The following SIGIRR variants were observed in gnomAD, a reference collection of about 807,000 sequenced individuals.
The protein encoded by SIGIRR is single Ig IL-1-related receptor.
A neutral mutation model predicts 45.6 loss-of-function variants in SIGIRR; 41 were observed. The observed-to-expected ratio is 0.90, with a 90% CI of 0.70 to 1.17. SIGIRR has a LOEUF of 1.17. SIGIRR is among the 50% of genes most tolerant of loss of function. The pLI is 0.00. For missense variants in SIGIRR, 599 were observed against 539.6 expected, an observed-to-expected ratio of 1.11 and a Z score of -1.09; for synonymous variants, 298 against 239.0, an observed-to-expected ratio of 1.25 and a Z score of -2.28.
At chr11:407,707 C>T (rs1012242927) in intron 5 of SIGIRR, 110 bp downstream of exon 5, 1 of 1,567,104 alleles carries the variant, frequency 6.4e-7, no homozygotes, top group Non-Finnish European at 8.7e-7. Context: ...CCGCACAGAG[C>T]ACCCGGGGGC....
intron 2 of SIGIRR, 146 bp from the exon 3 acceptor site, chr11:409,039 CT>C: frequency 1.4e-6 from 1 of 725,786 alleles, no homozygotes. Flanking sequence ...TGGGGACAGG[CT>C]TAGCACTTGG....
At position 406,852 on chromosome 11, in the gene SIGIRR, G is replaced by A; in HGVS notation, c.870C>T (p.Pro290=). 2.6e-6 allele frequency: 4 copies of A among 1,562,088 alleles called. No homozygotes were observed. The highest frequency in any genetic ancestry group is 3.4e-6 in the Non-Finnish European group (4 of 1,160,280). Residue 290 remains proline (P), a synonymous_variant, in exon 8 of 10, where the codon CCC becomes CCT. Transcript: ENST00000431843. Reference sequence around the variant, plus strand: ...CGCGCCTGCTCCGCACCACGGAGCCGGGCCTCCAGAGCAGCAAGGTCACCA... The same window carrying A: ...CGCGCCTGCTCCGCACCACGGAGCCAGGCCTCCAGAGCAGCAAGGTCACCA... The part of the protein sequence containing the change: ...RHLVTLLLWR[P]GSVTPSSDFW...
intron 2 of SIGIRR, 114 bp downstream of exon 2, chr11:409,754 C>A: frequency 8.3e-7 from 1 of 1,200,406 alleles, no homozygotes; most frequent in Non-Finnish European, 1.1e-6. Flanking sequence ...GTACCCCCGG[C>A]ATGTGGCCAG....
chr11:408,261 G>A (rs978132079), intron 3 of SIGIRR, 55 bp from the exon 4 acceptor site: 141 of 1,588,900 alleles, frequency 8.9e-5, no homozygotes, highest in Admixed American at 1.9e-4. Context: ...GGACACCCCC[G>A]AACCCCACCT....
At chr11:409,797 A>C in intron 2 of SIGIRR, 71 bp downstream of exon 2, 1 of 1,360,972 alleles carries the variant, frequency 7.3e-7, no homozygotes, top group South Asian at 1.9e-5. Flanking sequence ...AGGATGCACA[A>C]TGTGGAGCCA....
At position 414,872 on chromosome 11, in the gene SIGIRR, C is replaced by T; in HGVS notation, c.-203G>A. On this transcript the variant is annotated 5_prime_UTR_variant, in exon 1 of 10. Transcript: ENST00000431843. ...GGGCAAATGTTGGTCATTGGTGCGC[C>T]TTTGGGAGCAAACTCTCCCCTTCGC... The T allele has an allele frequency of 1.0e-6, 1 of 985,548 alleles. No homozygotes were observed. Among genetic ancestry groups the T allele is most frequent in the Non-Finnish European group, 1.2e-6 (1 of 830,026 alleles). 61.1% of individuals were successfully genotyped at this position (985,548 alleles called of 1,614,324 possible).
At position 408,823 on chromosome 11, in the gene SIGIRR, G is replaced by C; in HGVS notation, c.78C>G (p.Ser26Arg). The C allele has an allele frequency of 6.2e-7, 1 of 1,612,812 alleles. No homozygotes were observed. Among genetic ancestry groups the C allele is most frequent in the Non-Finnish European group, 8.5e-7 (1 of 1,179,980 alleles). The change falls in exon 3 of 10, where the codon AGC (serine) becomes AGG (arginine). Residue 26 changes from serine (S) to arginine (R), a missense_variant. Ser to Arg is a moderately radical substitution (Grantham distance 110, BLOSUM62 -1). Coordinates refer to ENST00000431843, the MANE Select transcript of SIGIRR (RefSeq NM_001135054.2). ...AAGCCGTGCAGTTCAGAGCCACTGAGCTGCCCAAGGCAGGCCTCAGCACCT... is the reference window on the plus strand; with the variant it reads ...AAGCCGTGCAGTTCAGAGCCACTGACCTGCCCAAGGCAGGCCTCAGCACCT... Reference protein sequence around the residue: ...EDQVLRPALGSSVALNCTAWV... With the variant: ...EDQVLRPALGRSVALNCTAWV...
upstream of SIGIRR, among the ~76,000 whole-genome samples, chr11:417,044 G>C (rs1170746655): frequency 6.6e-6 from 1 of 152,224 alleles, no homozygotes; most frequent in East Asian, 1.9e-4. This position sits in a 1 kb window ranked among gnomAD's most constrained non-coding sequence, Gnocchi z 4.2. Context: ...TGTTCTGCGC[G>C]AGGGTCACCA....
chr11:406,592 C>G (rs1040378597), intron 8 of SIGIRR, 54 bp from the exon 9 acceptor site: 8 of 1,537,794 alleles, frequency 5.2e-6, no homozygotes, highest in Non-Finnish European at 7.0e-6. Context: ...AAGCCCCTGG[C>G]GTCCTGGCCC....
At chr11:413,222 C>G (rs1010299530) in intron 1 of SIGIRR, among the ~76,000 whole-genome samples, 9 of 152,144 alleles carry the variant, frequency 5.9e-5, no homozygotes, top group Non-Finnish European at 1.2e-4. Context: ...GCCACCTATT[C>G]CCTCTCCATG....
At chr11:408,995 T>C in intron 2 of SIGIRR, 102 bp from the exon 3 acceptor site, 1 of 1,074,350 alleles carries the variant, frequency 9.3e-7, no homozygotes, top group Non-Finnish European at 1.4e-6. Context: ...TCTGTGTGGC[T>C]TGGCAGTCAC....
chr11:408,358 G>A, intron 3 of SIGIRR, 152 bp from the exon 4 acceptor site: 1 of 1,044,890 alleles, frequency 9.6e-7, no homozygotes, highest in Non-Finnish European at 1.4e-6. Context: ...TGAACCTGGA[G>A]GGGATGCAGA....
intron 5 of SIGIRR, 124 bp from the exon 6 acceptor site, chr11:407,692 C>G: frequency 6.4e-7 from 1 of 1,559,746 alleles, no homozygotes; most frequent in Non-Finnish European, 8.7e-7. Context: ...TTAACCCCAG[C>G]CGGGCCGCAC....
chr11:407,735 A>C, intron 5 of SIGIRR, 82 bp downstream of exon 5: 1 of 1,590,804 alleles, frequency 6.3e-7, no homozygotes, highest in Non-Finnish European at 8.6e-7. Context: ...TCCCCGCCGC[A>C]CGCCTCCAAA....
At chr11:415,004 T>G, upstream of SIGIRR, 1 of 424,856 alleles carries the variant, frequency 2.4e-6, no homozygotes, top group Non-Finnish European at 3.1e-6. This position sits in a 1 kb window ranked among gnomAD's most constrained non-coding sequence, Gnocchi z 6.6. Context: ...ACTTTCCCTG[T>G]AGCTTCCTGG....
Position 407,475 on chromosome 11 carries a change from CGCCG to C in SIGIRR, c.571_574del (p.Arg191ValfsTer25). On this transcript the variant is annotated frameshift_variant, in exon 6 of 10. Coordinates refer to ENST00000431843, the MANE Select transcript of SIGIRR (RefSeq NM_001135054.2). LOFTEE classifies it high-confidence loss of function. ...GTCCAGGAAGAGCTTGTAGCCCCGA[CGCCG>C]CTCCAGCTGCGGCTTTAGGATGAAG... is the stretch of plus-strand genomic sequence containing the variant. 1.3e-6 allele frequency: 2 copies of C among 1,578,846 alleles called. No homozygotes were observed. The highest frequency in any genetic ancestry group is 1.7e-6 in the Non-Finnish European group (2 of 1,163,212).
rs562667532 is a variant in SIGIRR, at chr11:406,472, C to T, written c.946G>A (p.Val316Met). The T allele has an allele frequency of 9.3e-5, 150 of 1,612,646 alleles. No individual in the cohort carries two copies. The highest frequency in any genetic ancestry group is 8.0e-5 in the African/African-American group (6 of 75,072). Residue 316 changes from valine to methionine, a missense_variant, in exon 9 of 10, where the codon GTG becomes ATG. Coordinates refer to ENST00000431843, the MANE Select transcript of SIGIRR (RefSeq NM_001135054.2). ...AGCTGCGTCTGGGGGTCTCCTTCCA[C>T]AGGCCTGTACTGCACCTTCCGCGGC... ...ALPRKVQYRP[V>M]EGDPQTQLQD...
chr11:416,379 G>C (rs990468093), upstream of SIGIRR, among the ~76,000 whole-genome samples: 1 of 151,932 alleles, frequency 6.6e-6, no homozygotes, highest in Admixed American at 6.6e-5. The surrounding 1 kb of genome is among the most constrained non-coding windows in gnomAD (Gnocchi z 9.1). Flanking sequence ...CGAGCCCCCA[G>C]GTCCACCGTC....
intron 2 of SIGIRR, 93 bp from the exon 3 acceptor site, chr11:408,986 C>T (rs1199035469): frequency 2.6e-5 from 31 of 1,192,298 alleles, no homozygotes; most frequent in Non-Finnish European, 3.7e-5. Flanking sequence ...AATAAGGCCT[C>T]TGTGTGGCTT....
Sources: allele counts gnomAD v4.1 joint callset (sites outside exome capture counted in the v4.1 genomes callset), GRCh38; gene constraint gnomAD v4.1.1; non-coding constraint Gnocchi (gnomAD v3.1); transcripts MANE v1.5; gene names NCBI Gene and HGNC (gene_info 2026-07-23, HGNC 2026-07-21).